PIGT: variants seen among roughly 807,000 people sequenced by gnomAD.
The protein encoded by PIGT is GPI-anchor transamidase component PIGT.
In PIGT, 57 loss-of-function variants were observed where a neutral mutation model predicts 66.7. That is an observed-to-expected ratio of 0.86 (90% CI 0.69 to 1.07). The LOEUF (loss-of-function observed/expected upper bound fraction) is 1.07, where lower values mean the gene tolerates loss of function less well. PIGT is among the 50% of genes least tolerant of loss of function. The pLI is 0.00. For missense variants in PIGT, 725 were observed against 740.4 expected, an observed-to-expected ratio of 0.98 and a Z score of 0.24; for synonymous variants, 362 against 320.5, an observed-to-expected ratio of 1.13 and a Z score of -1.38.
At chr20:45,419,252 C>T in intron 3 of PIGT, 43 bp from the exon 4 acceptor site, 1 of 1,522,898 alleles carries the variant, frequency 6.6e-7, no homozygotes, top group Non-Finnish European at 9.1e-7. Flanking sequence ...CCCGAGGGGT[C>T]AGAGCCCAAG....
At chr20:45,416,884 T>A in intron 2 of PIGT, 190 bp downstream of exon 2, 1 of 508,608 alleles carries the variant, frequency 2.0e-6, no homozygotes, top group Non-Finnish European at 3.4e-6. Context: ...CTTTCAGACC[T>A]GAGGTAGCAC....
chr20:45,425,575 T>C lies in PIGT; in HGVS notation c.1486T>C (p.Phe496Leu), dbSNP rs1185880480. ...WEESPLFNSL[F>L]PVSDGSNYFV... is the part of the protein sequence containing the mutation. Reference sequence around the variant, plus strand: ...TCACCGCTCTTCCCCTGACCCCAGGTTCCCAGTCTCTGATGGCTCTAACTA... The same window carrying C: ...TCACCGCTCTTCCCCTGACCCCAGGCTCCCAGTCTCTGATGGCTCTAACTA... Residue 496 changes from phenylalanine (F) to leucine (L), a missense_variant and splice_region_variant, in exon 12 of 12, where the codon TTC becomes CTC. Around this residue, in one of 3 missense-constraint regions of PIGT, gnomAD observed 162 missense variants for 171.1 expected, o/e 0.95. Transcript: ENST00000279036. 1 of 1,613,302 alleles carries C rather than the reference T, an allele frequency of 6.2e-7. No homozygotes were observed. The highest frequency in any genetic ancestry group is 1.1e-5 in the South Asian group (1 of 91,070).
In PIGT at chr20:45,419,577, G is replaced by A. The variant is rs758888947; in HGVS notation, c.668G>A (p.Arg223His). 34 of 1,612,546 alleles carry A rather than the reference G, an allele frequency of 2.1e-5. No homozygotes were observed. Among genetic ancestry groups the A allele is most frequent in the Admixed American group, 2.0e-4 (12 of 60,010 alleles). ...TACCACTCCCAGGCAGTGCATATCC[G>A]CCCTGTTTGCAGAGTAAGTCATGGG... ...TSYHSQAVHI[R>H]PVCRNARCTS... Residue 223 changes from arginine to histidine, a missense_variant, in exon 5 of 12, where the codon CGC becomes CAC. Coordinates refer to ENST00000279036, the MANE Select transcript of PIGT (RefSeq NM_015937.6).
chr20:45,425,649 G>C lies in PIGT; in HGVS notation c.1560G>C (p.Pro520=). ...TEPLLVNLPT[P]DFSMPYNVIC... ...CGCTGCTGGTGAACCTGCCGACACC[G>C]GACTTCAGCATGCCCTACAACGTGA... is the stretch of plus-strand genomic sequence containing the variant. The change falls in exon 12 of 12, where the codon CCG becomes CCC. Residue 520 remains proline (P), a synonymous_variant. Coordinates refer to ENST00000279036, the MANE Select transcript of PIGT (RefSeq NM_015937.6). The C allele has an allele frequency of 1.9e-6, 3 of 1,614,072 alleles. No homozygotes were observed. The highest frequency in any genetic ancestry group is 8.5e-7 in the Non-Finnish European group (1 of 1,180,004).
chr20:45,422,128 G>A (rs1455116981), intron 9 of PIGT: 4 of 152,098 alleles, frequency 2.6e-5, no homozygotes, highest in Admixed American at 2.0e-4. Context: ...TAAAGCACTT[G>A]CCTTTCTTTG....
intron 2 of PIGT, 127 bp downstream of exon 2, chr20:45,416,821 G>T: frequency 1.3e-6 from 1 of 798,796 alleles, no homozygotes; most frequent in Non-Finnish European, 1.9e-6. Context: ...GGTAGAGCTG[G>T]CATTGGAAGT....
rs139991610 is a variant in PIGT, at chr20:45,420,143, G to T, written c.689G>T (p.Arg230Leu). ...ATCTGGCCCTTGTGATAGAATGCAC[G>T]CTGTACTAGCATCTCCTGGGAGCTG... ...VHIRPVCRNA[R>L]CTSISWELRQ... Residue 230 changes from arginine to leucine, a missense_variant, in exon 6 of 12, where the codon CGC (arginine) becomes CTC (leucine). This residue lies in a region of PIGT where 559 missense variants were observed against 552.7 expected (regional missense o/e 1.01). Coordinates refer to ENST00000279036, the MANE Select transcript of PIGT (RefSeq NM_015937.6). The T allele has an allele frequency of 1.9e-6, 3 of 1,610,860 alleles. No homozygotes were observed. The highest frequency in any genetic ancestry group is 1.7e-6 in the Non-Finnish European group (2 of 1,178,320).
chr20:45,419,159 A>C (rs539599644), intron 3 of PIGT, 136 bp from the exon 4 acceptor site: 3 of 1,054,522 alleles, frequency 2.8e-6, no homozygotes, highest in Non-Finnish European at 4.2e-6. Flanking sequence ...AGGGAGTCCT[A>C]CTCCCAGTTG....
intron 5 of PIGT, 126 bp from the exon 6 acceptor site, chr20:45,420,010 G>A: frequency 1.4e-6 from 1 of 698,622 alleles, no homozygotes; most frequent in Non-Finnish European, 2.5e-6. Flanking sequence ...GCTCAGGAGT[G>A]GGTGGTAGCA....
chr20:45,418,515 G>T (rs1034601259), intron 2 of PIGT: 3 of 353,382 alleles, frequency 8.5e-6, no homozygotes, highest in Non-Finnish European at 1.7e-5. Flanking sequence ...AGGAGGGCAG[G>T]AAAGGCTTCG....
chr20:45,419,679 G>A, intron 5 of PIGT, 89 bp downstream of exon 5: 2 of 924,236 alleles, frequency 2.2e-6, no homozygotes, highest in Admixed American at 3.4e-5. Context: ...CTCAGGCTGA[G>A]TGAGTACTGA....
chr20:45,425,820 ACT>A lies in PIGT; in HGVS notation c.1734_1735del (p.Ter579IlefsTer33). On this transcript the variant is annotated frameshift_variant, in exon 12 of 12. Transcript: ENST00000279036. LOFTEE classifies it high-confidence loss of function. ...LIRRARGVPPL is the reference protein window; with the variant it reads ...LIRRARGVPPX Reference sequence around the variant, plus strand: ...TCCGGCGCGCCCGAGGTGTCCCCCCACTCTGATTCTTGCCCTTTCCAGCAGCT... The same window carrying A: ...TCCGGCGCGCCCGAGGTGTCCCCCCACTGATTCTTGCCCTTTCCAGCAGCT... 1 of 1,611,888 alleles carries A rather than the reference ACT, an allele frequency of 6.2e-7. No homozygotes were observed. The highest frequency in any genetic ancestry group is 8.5e-7 in the Non-Finnish European group (1 of 1,179,014).
chr20:45,419,008 C>A, intron 3 of PIGT, 29 bp downstream of exon 3: 1 of 1,613,722 alleles, frequency 6.2e-7, no homozygotes, highest in South Asian at 1.1e-5. Context: ...CCCTTTCCTT[C>A]TTCCTCTTAC....
At chr20:45,421,638 A>G (rs1477120391) in intron 9 of PIGT, 55 bp downstream of exon 9, 21 of 1,443,258 alleles carry the variant, frequency 1.5e-5, no homozygotes, top group Non-Finnish European at 2.0e-5. Flanking sequence ...TGTCCTCTCC[A>G]GGTCCCCCAA....
chr20:45,426,137 T>G lies in PIGT; in HGVS notation c.*311T>G. Reference sequence around the variant, plus strand: ...AAAGATTTCCATCACCACAGAAAGGTCGGCTGGCAGCACTGGCCAAGGTGA... The same window carrying G: ...AAAGATTTCCATCACCACAGAAAGGGCGGCTGGCAGCACTGGCCAAGGTGA... On this transcript the variant is annotated 3_prime_UTR_variant, in exon 12 of 12. Coordinates refer to ENST00000279036, the MANE Select transcript of PIGT (RefSeq NM_015937.6). The G allele has an allele frequency of 2.4e-6, 1 of 422,508 alleles. No homozygotes were observed. The highest frequency in any genetic ancestry group is 2.0e-5 in the African/African-American group (1 of 50,274). The allele number at this position is 422,508 out of a possible 1,614,324, so 26.2% of individuals were successfully genotyped here.
chr20:45,419,673 G>A (rs1568948019), intron 5 of PIGT, 83 bp downstream of exon 5: 2 of 962,574 alleles, frequency 2.1e-6, no homozygotes, highest in Non-Finnish European at 1.7e-6. Flanking sequence ...GTCTGGCTCA[G>A]GCTGAGTGAG....
chr20:45,422,758 C>T (rs1467997576), intron 9 of PIGT: 3 of 152,174 alleles, frequency 2.0e-5, no homozygotes, highest in Admixed American at 2.0e-4. Flanking sequence ...TTAGACATTG[C>T]ATCAATTAAC....
At chr20:45,424,824 C>G (rs141198457) in intron 11 of PIGT, 90 of 548,306 alleles carry the variant, frequency 1.6e-4, no homozygotes, top group African/African-American at 1.4e-3. Flanking sequence ...TCTTGATGCT[C>G]TTAAATATTT....
chr20:45,420,265 C>T lies in PIGT; in HGVS notation c.769+42C>T, dbSNP rs1255321453. ...ACTCATCTGTACCCACCCATGCCAG[C>T]CCTGCCTTATCTATGTGGACTAGGC... On this transcript the variant is annotated intron_variant, in intron 6 of 11. Coordinates refer to ENST00000279036, the MANE Select transcript of PIGT (RefSeq NM_015937.6). 3 of 1,593,922 alleles carry T rather than the reference C, an allele frequency of 1.9e-6. No individual in the cohort carries two copies. The South Asian group carries it at 3.4e-5, about 18-fold the overall frequency.
Sources: allele counts gnomAD v4.1 joint callset, GRCh38; gene constraint gnomAD v4.1.1; regional missense constraint gnomAD v4.1.1; transcripts MANE v1.5; gene names NCBI Gene and HGNC (gene_info 2026-07-23, HGNC 2026-07-21).